The following GALNTL6 variants were observed in gnomAD, a reference collection of about 807,000 sequenced individuals.
GALNTL6 encodes the protein polypeptide N-acetylgalactosaminyltransferase-like 6.
A neutral mutation model predicts 73.7 loss-of-function variants in GALNTL6; 46 were observed. The ratio of observed to expected loss-of-function variants is 0.62; its 90% CI spans 0.49 to 0.80. GALNTL6 has a LOEUF of 0.80. GALNTL6 is among the 30% of genes least tolerant of loss of function. The pLI, the probability that GALNTL6 is intolerant of heterozygous loss-of-function variation, is 0.00. For missense variants in GALNTL6, 604 were observed against 755.0 expected, an observed-to-expected ratio of 0.80 and a Z score of 2.34; for synonymous variants, 259 against 263.7, an observed-to-expected ratio of 0.98 and a Z score of 0.17.
chr4:172,494,145 G>T (rs558536158), intron 5 of GALNTL6, among the ~76,000 whole-genome samples: 4 of 152,264 alleles, frequency 2.6e-5, no homozygotes, highest in African/African-American at 9.6e-5. Context: ...TATGAAAGAA[G>T]TGGGCAACCA....
intron 2 of GALNTL6, among the ~76,000 whole-genome samples, chr4:171,887,243 C>A (rs6553597): frequency 0.5 from 76,660 of 151,864 alleles, 20,025 homozygotes; most frequent in African/African-American, 0.63. Context: ...CACCTCCCAA[C>A]ATTTGCGTTG....
chr4:171,887,518 G>A (rs183613550), intron 2 of GALNTL6, among the ~76,000 whole-genome samples: 94 of 152,294 alleles, frequency 6.2e-4, no homozygotes, highest in Admixed American at 1.2e-3. Context: ...TACTTGAAGA[G>A]GCTCCTGTGG....
intron 2 of GALNTL6, among the ~76,000 whole-genome samples, chr4:171,927,392 T>G (rs1738021324): frequency 1.3e-5 from 2 of 152,144 alleles, no homozygotes; most frequent in African/African-American, 4.8e-5. Flanking sequence ...TTTCCCTCCC[T>G]TTACAGAACT....
intron 10 of GALNTL6, among the ~76,000 whole-genome samples, chr4:173,008,678 G>C (rs1192369169): frequency 1.3e-5 from 2 of 152,218 alleles, no homozygotes; most frequent in Non-Finnish European, 2.9e-5. Flanking sequence ...TGGTCACAGA[G>C]AGCAGCATAA....
At chr4:172,078,845 T>G (rs770306910) in intron 2 of GALNTL6, among the ~76,000 whole-genome samples, 39 of 152,180 alleles carry the variant, frequency 2.6e-4, no homozygotes, top group Non-Finnish European at 4.4e-4. Context: ...TGTTTTGATA[T>G]AGAAATCTAA....
At chr4:172,250,143 G>A (rs945308814) in intron 3 of GALNTL6, among the ~76,000 whole-genome samples, 3 of 152,160 alleles carry the variant, frequency 2.0e-5, no homozygotes, top group Non-Finnish European at 4.4e-5. Context: ...GCTAAAGGCT[G>A]TGGGAGCCCA....
chr4:172,481,818 G>A (rs1733491798), intron 5 of GALNTL6, among the ~76,000 whole-genome samples: 1 of 152,214 alleles, frequency 6.6e-6, no homozygotes, highest in Admixed American at 6.5e-5. Context: ...GAGCCCAGCT[G>A]GCTCTGACTA....
chr4:172,185,293 A>G (rs1735383988), intron 2 of GALNTL6, among the ~76,000 whole-genome samples: 1 of 152,216 alleles, frequency 6.6e-6, no homozygotes, highest in Non-Finnish European at 1.5e-5. Flanking sequence ...TTACTATGAC[A>G]GTGATATAGA....
intron 2 of GALNTL6, among the ~76,000 whole-genome samples, chr4:172,023,214 G>T (rs1741456126): frequency 6.6e-6 from 1 of 151,616 alleles, no homozygotes; most frequent in African/African-American, 2.4e-5. Context: ...CCTCCTTCCT[G>T]ACCAAATAAC....
intron 2 of GALNTL6, among the ~76,000 whole-genome samples, chr4:171,921,833 T>C (rs1177597868): frequency 6.6e-6 from 1 of 152,098 alleles, no homozygotes; most frequent in African/African-American, 2.4e-5. Flanking sequence ...AAAGTCCTGC[T>C]GGTTTATCTT....
chr4:172,265,707 G>A (rs1480436003), intron 3 of GALNTL6, among the ~76,000 whole-genome samples: 1 of 151,986 alleles, frequency 6.6e-6, no homozygotes, highest in African/African-American at 2.4e-5. Context: ...AATACTTAGT[G>A]TTCTTATGCA....
intron 3 of GALNTL6, among the ~76,000 whole-genome samples, chr4:172,251,319 C>A (rs949133840): frequency 1.3e-5 from 2 of 151,996 alleles, no homozygotes; most frequent in African/African-American, 4.8e-5. Flanking sequence ...TTTGCTTTAC[C>A]CAAAGTCCAC....
chr4:172,036,931 A>G, intron 2 of GALNTL6, among the ~76,000 whole-genome samples: 1 of 152,146 alleles, frequency 6.6e-6, no homozygotes. Context: ...TTTGAAATTA[A>G]GTGTGATGTG....
At chr4:172,642,723 C>CA (rs1235688621) in intron 5 of GALNTL6, among the ~76,000 whole-genome samples, 1 of 151,592 alleles carries the variant, frequency 6.6e-6, no homozygotes, top group Non-Finnish European at 1.5e-5. Flanking sequence ...GTTCTCACCA[C>CA]AAAAAAATGA....
intron 7 of GALNTL6, among the ~76,000 whole-genome samples, chr4:172,814,882 A>G (rs1227431737): frequency 6.6e-6 from 1 of 152,222 alleles, no homozygotes; most frequent in Non-Finnish European, 1.5e-5. Flanking sequence ...AAGCGCTCTC[A>G]TTAAATATCC....
At chr4:172,901,062 G>C (rs747997409) in intron 8 of GALNTL6, among the ~76,000 whole-genome samples, 23 of 152,048 alleles carry the variant, frequency 1.5e-4, no homozygotes, top group Non-Finnish European at 2.4e-4. Flanking sequence ...TATCGTTTTT[G>C]TCTAGAAACC....
chr4:172,557,229 G>A (rs1048725876), intron 5 of GALNTL6, among the ~76,000 whole-genome samples: 2 of 152,088 alleles, frequency 1.3e-5, no homozygotes, highest in Admixed American at 1.3e-4. Context: ...TAACCATCAC[G>A]TACCTCTGTT....
chr4:172,470,409 A>C (rs1579101954), intron 5 of GALNTL6, among the ~76,000 whole-genome samples: 1 of 152,316 alleles, frequency 6.6e-6, no homozygotes, highest in East Asian at 1.9e-4. Flanking sequence ...GCTCTTCACC[A>C]TCATAATGTG....
chr4:173,012,838 C>T (rs1262589731), intron 11 of GALNTL6, among the ~76,000 whole-genome samples: 1 of 152,176 alleles, frequency 6.6e-6, no homozygotes, highest in African/African-American at 2.4e-5. Flanking sequence ...TTATTATTCA[C>T]TCAAATGCGC....
Sources: gnomAD v4.1 joint callset for allele counts (sites outside exome capture counted in the v4.1 genomes callset) on GRCh38, gnomAD v4.1.1 for gene constraint, MANE v1.5 for transcripts, NCBI Gene and HGNC (gene_info 2026-07-23, HGNC 2026-07-21) for gene names.